The following FAF1 variants were observed in gnomAD, a reference collection of about 807,000 sequenced individuals.
The protein encoded by FAF1 is FAS-associated factor 1.
In FAF1, 25 loss-of-function variants were observed where a neutral mutation model predicts 92.5. The observed-to-expected ratio is 0.27, with a 90% CI of 0.20 to 0.38. FAF1 has a LOEUF of 0.38. Ranked by LOEUF, FAF1 falls within the 10% of genes least tolerant of loss-of-function variation. The probability of loss-of-function intolerance (pLI) is 1.00; values close to 1 mark genes in which losing one functional copy is unlikely to be tolerated. For synonymous variants in FAF1, 234 were observed against 273.2 expected (o/e 0.86, Z 1.42); for missense variants, 636 against 793.3 (o/e 0.80, Z 2.38).
At chr1:50,615,167 T>C (rs141971714) in intron 8 of FAF1, among the ~76,000 whole-genome samples, 2 of 152,326 alleles carry the variant, frequency 1.3e-5, no homozygotes, top group Non-Finnish European at 2.9e-5. Flanking sequence ...ATTACTTAGC[T>C]TAGGTAATGG....
At chr1:50,532,698 T>C (rs974449587) in intron 15 of FAF1, among the ~76,000 whole-genome samples, 1 of 152,224 alleles carries the variant, frequency 6.6e-6, no homozygotes, top group African/African-American at 2.4e-5. Context: ...CAATAGAAGA[T>C]ACCTAGTGAG....
chr1:50,573,534 T>C (rs1409579180), intron 12 of FAF1, among the ~76,000 whole-genome samples: 2 of 152,312 alleles, frequency 1.3e-5, no homozygotes, highest in East Asian at 1.9e-4. Context: ...TAGTTATCTT[T>C]AAAGAGTAAA....
chr1:50,551,434 GTAAC>G (rs1303339988), intron 13 of FAF1, among the ~76,000 whole-genome samples: 2 of 152,250 alleles, frequency 1.3e-5, no homozygotes, highest in Middle Eastern at 3.4e-3. Context: ...TGATAATGAA[GTAAC>G]TATCATGAGG....
chr1:50,869,375 C>T (rs1333905357), intron 1 of FAF1, among the ~76,000 whole-genome samples: 1 of 151,980 alleles, frequency 6.6e-6, no homozygotes, highest in Non-Finnish European at 1.5e-5. Flanking sequence ...TATGGTTGGG[C>T]TTGAGTCTGC....
intron 1 of FAF1, among the ~76,000 whole-genome samples, chr1:50,859,710 A>G (rs1644417675): frequency 6.6e-6 from 1 of 152,004 alleles, no homozygotes; most frequent in Non-Finnish European, 1.5e-5. Context: ...TGCTATTCCT[A>G]TCAAACTACC....
At chr1:50,642,445 T>G (rs568286971) in intron 8 of FAF1, among the ~76,000 whole-genome samples, 1 of 152,076 alleles carries the variant, frequency 6.6e-6, no homozygotes, top group African/African-American at 2.4e-5. Context: ...AGTCAGGAGT[T>G]TGAGACCAGC....
chr1:50,799,216 A>G (rs192149547), intron 3 of FAF1, among the ~76,000 whole-genome samples: 1 of 152,342 alleles, frequency 6.6e-6, no homozygotes, highest in East Asian at 1.9e-4. Flanking sequence ...AAGACAATCT[A>G]GACTTCACTA....
chr1:50,788,018 C>T lies in FAF1; in HGVS notation c.349G>A (p.Glu117Lys). The T allele has an allele frequency of 6.2e-7, 1 of 1,614,034 alleles. No individual in the cohort carries two copies. Among genetic ancestry groups the T allele is most frequent in the East Asian group, 2.2e-5 (1 of 44,872 alleles). ...YRDRNVDVVL[E>K]DTCTVGEIKQ... ...ACCTTACCAACAGTACAGGTGTCTT[C>T]AAGTACCACATCAACATTTCTGTCT... The change falls in exon 4 of 19, where the codon GAA (glutamate) becomes AAA (lysine). Residue 117 changes from glutamate to lysine, a missense_variant. This residue lies in a region of FAF1 where 317 missense variants were observed against 342.4 expected (regional missense o/e 0.93). Coordinates refer to ENST00000396153, the MANE Select transcript of FAF1 (RefSeq NM_007051.3).
At chr1:50,555,197 C>T (rs1393256672) in intron 13 of FAF1, among the ~76,000 whole-genome samples, 1 of 151,482 alleles carries the variant, frequency 6.6e-6, no homozygotes, top group Admixed American at 6.6e-5. Context: ...CATTCCAGCC[C>T]AGGTGACAGA....
chr1:50,550,191 A>T (rs1378278664), intron 13 of FAF1, among the ~76,000 whole-genome samples: 1 of 151,866 alleles, frequency 6.6e-6, no homozygotes, highest in Non-Finnish European at 1.5e-5. Context: ...TCTACTAAAA[A>T]TACAAAAAAA....
intron 4 of FAF1, among the ~76,000 whole-genome samples, chr1:50,753,078 A>G (rs1221194859): frequency 6.6e-6 from 1 of 152,208 alleles, no homozygotes; most frequent in African/African-American, 2.4e-5. Flanking sequence ...ATAAGTTTAA[A>G]CAATTGAATC....
In FAF1 at chr1:50,655,480, A is replaced by G. The variant is rs770064254; in HGVS notation, c.706T>C (p.Leu236=). The G allele has an allele frequency of 3.1e-6, 5 of 1,613,812 alleles. No homozygotes were observed. In the Admixed American group the frequency reaches 5.0e-5, roughly 16 times the overall value. The change falls in exon 8 of 19, where the codon TTA becomes CTA. Residue 236 remains leucine (L), a synonymous_variant. Coordinates refer to ENST00000396153, the MANE Select transcript of FAF1 (RefSeq NM_007051.3). ...DLTSIPVRHQ[L]WEGWPTSATD... ...GCAGAAGTTGGCCAGCCCTCCCATA[A>G]TTGGTGGCGAACGGGGATACTTGTA...
At chr1:50,573,224 G>T (rs1558000105) in intron 12 of FAF1, among the ~76,000 whole-genome samples, 1 of 151,592 alleles carries the variant, frequency 6.6e-6, no homozygotes. Flanking sequence ...TCAGCCTCCT[G>T]AGTAGCTGAG....
At chr1:50,629,989 C>T (rs1024125785) in intron 8 of FAF1, among the ~76,000 whole-genome samples, 11 of 151,640 alleles carry the variant, frequency 7.3e-5, no homozygotes, top group Admixed American at 5.9e-4. Context: ...ACCTGGGAGG[C>T]GGAGGTTGCA....
At chr1:50,919,490 T>A (rs1644945891) in intron 1 of FAF1, among the ~76,000 whole-genome samples, 1 of 134,766 alleles carries the variant, frequency 7.4e-6, no homozygotes, top group African/African-American at 2.6e-5. Context: ...AATAGAAGAA[T>A]TTTTTTTTTT....
intron 18 of FAF1, among the ~76,000 whole-genome samples, chr1:50,447,121 CT>C (rs61612294): frequency 0.011 from 1,248 of 112,836 alleles, 7 homozygotes; most frequent in African/African-American, 0.04. Flanking sequence ...CATATTCCTG[CT>C]TTTTTTTTTT....
At chr1:50,849,310 C>T (rs1173777782) in intron 2 of FAF1, among the ~76,000 whole-genome samples, 1 of 151,452 alleles carries the variant, frequency 6.6e-6, no homozygotes, top group African/African-American at 2.4e-5. Context: ...TAGCACTATG[C>T]CAATTGTTGT....
intron 3 of FAF1, among the ~76,000 whole-genome samples, chr1:50,797,742 G>A (rs903580168): frequency 3.9e-5 from 6 of 152,098 alleles, no homozygotes; most frequent in Admixed American, 6.5e-5. Flanking sequence ...AAGGTGTCAC[G>A]TGCCTGTAGA....
In FAF1 at chr1:50,440,674, CT is replaced by C. The variant is rs1184101347; in HGVS notation, c.*765del. 1 of 152,252 alleles carries C rather than the reference CT, an allele frequency of 6.6e-6. No homozygotes were observed. Among genetic ancestry groups the C allele is most frequent in the Non-Finnish European group, 1.5e-5 (1 of 68,052 alleles). The allele number at this position is 152,252 out of a possible 1,614,324, so 9.4% of individuals were successfully genotyped here. A position where few individuals can be genotyped will look rare whatever the true frequency, so the allele number is the denominator to read the frequency against. On this transcript the variant is annotated 3_prime_UTR_variant, in exon 19 of 19. Transcript: ENST00000396153. ...AGGTTCTAACTGCCCAAATGCAAAC[CT>C]AACAGTAGCCTCTTGCCATTGGGCC...
Sources: allele counts gnomAD v4.1 joint callset (sites outside exome capture counted in the v4.1 genomes callset), GRCh38; gene constraint gnomAD v4.1.1; regional missense constraint gnomAD v4.1.1; transcripts MANE v1.5; gene names NCBI Gene and HGNC (gene_info 2026-07-23, HGNC 2026-07-21).